The following NDUFAF6 variants were observed in gnomAD, a reference collection of about 807,000 sequenced individuals.
The protein encoded by NDUFAF6 is NADH dehydrogenase (ubiquinone) complex I, assembly factor 6.
A neutral mutation model predicts 40.8 loss-of-function variants in NDUFAF6; 45 were observed. The observed-to-expected ratio is 1.10, with a 90% CI of 0.87 to 1.42. The LOEUF is 1.42. Ranked by LOEUF, NDUFAF6 falls within the 40% of genes most tolerant of loss-of-function variation. The pLI is 0.00. For missense variants in NDUFAF6, 435 were observed against 418.5 expected, an observed-to-expected ratio of 1.04 and a Z score of -0.34; for synonymous variants, 185 against 155.9, an observed-to-expected ratio of 1.19 and a Z score of -1.39.
intron 7 of NDUFAF6, among the ~76,000 whole-genome samples, chr8:95,049,692 G>A (rs920456914): frequency 5.3e-5 from 8 of 151,986 alleles, no homozygotes; most frequent in Non-Finnish European, 1.5e-5. Flanking sequence ...TCCAGTTAGT[G>A]CTCAAATGTC....
chr8:95,079,594 A>G (rs1486624447), downstream of NDUFAF6, among the ~76,000 whole-genome samples: 1 of 152,232 alleles, frequency 6.6e-6, no homozygotes, highest in African/African-American at 2.4e-5. Context: ...TCAGTGAGAA[A>G]ACTGGATGAG....
At chr8:94,992,996 A>G (rs574937239) in intron 2 of NDUFAF6, among the ~76,000 whole-genome samples, 28 of 152,306 alleles carry the variant, frequency 1.8e-4, no homozygotes, top group African/African-American at 6.7e-4. Flanking sequence ...GGCTGTGACA[A>G]AATACCACAA....
At chr8:95,061,782 C>G (rs1194990073), downstream of NDUFAF6, among the ~76,000 whole-genome samples, 1 of 152,122 alleles carries the variant, frequency 6.6e-6, no homozygotes, top group Non-Finnish European at 1.5e-5. Flanking sequence ...TAATATGTAA[C>G]TCATTCTGTA....
chr8:94,907,592 T>C (rs1307492704), intron 1 of NDUFAF6, among the ~76,000 whole-genome samples: 1 of 152,230 alleles, frequency 6.6e-6, no homozygotes, highest in African/African-American at 2.4e-5. Context: ...TGGTAAAAGC[T>C]GCTACTTGTC....
intron 1 of NDUFAF6, among the ~76,000 whole-genome samples, chr8:94,966,080 T>C (rs1028474706): frequency 9.2e-5 from 14 of 152,102 alleles, no homozygotes; most frequent in Non-Finnish European, 2.1e-4. Context: ...TTGGGACATA[T>C]AGGAGTCACT....
At chr8:94,941,006 T>A in intron 1 of NDUFAF6, 1 of 1,275,902 alleles carries the variant, frequency 7.8e-7, no homozygotes, top group African/African-American at 1.5e-5. Flanking sequence ...AACCTTGTCT[T>A]TAGTTGGCCC....
chr8:94,980,695 C>G (rs562653776), intron 1 of NDUFAF6, among the ~76,000 whole-genome samples: 4 of 65,234 alleles, frequency 6.1e-5, no homozygotes, highest in Non-Finnish European at 8.6e-5. Context: ...AGGTGATCAG[C>G]ATGCCTTGGC....
intron 1 of NDUFAF6, among the ~76,000 whole-genome samples, chr8:94,961,742 G>A (rs958995958): frequency 6.6e-6 from 1 of 152,116 alleles, no homozygotes; most frequent in Non-Finnish European, 1.5e-5. Context: ...CATTATTACT[G>A]CCATTTTATA....
At chr8:95,025,800 C>G (rs1442701095) in intron 1 of NDUFAF6, among the ~76,000 whole-genome samples, 1 of 152,200 alleles carries the variant, frequency 6.6e-6, no homozygotes, top group Non-Finnish European at 1.5e-5. Flanking sequence ...AAAGTCAGAG[C>G]CCTGAAGTGT....
intron 1 of NDUFAF6, among the ~76,000 whole-genome samples, chr8:94,906,175 G>C (rs570179633): frequency 6.6e-6 from 1 of 152,238 alleles, no homozygotes; most frequent in South Asian, 2.1e-4. Flanking sequence ...CTGCTATAGA[G>C]TCCTTAGCAG....
intron 7 of NDUFAF6, among the ~76,000 whole-genome samples, chr8:95,049,133 T>G (rs1429276738): frequency 6.6e-6 from 1 of 152,228 alleles, no homozygotes; most frequent in African/African-American, 2.4e-5. Context: ...TCCTGCCCAC[T>G]CTAATAAACA....
At chr8:95,028,105 G>A (rs933010901) in intron 1 of NDUFAF6, among the ~76,000 whole-genome samples, 5 of 152,336 alleles carry the variant, frequency 3.3e-5, no homozygotes, top group Non-Finnish European at 2.9e-5. Context: ...AGTGGCACAG[G>A]TCCATGGTAC....
Position 95,019,276 on chromosome 8 carries a change from C to T in NDUFAF6, c.-83-12719C>T, listed in dbSNP as rs186653128. On this transcript the variant is annotated intron_variant, in intron 2 of 9. Coordinates refer to the NDUFAF6 transcript ENST00000396111. ...CTGCCTGCCTTGGCCTCCCAAAGTG[C>T]TGGGATTACAGGCGTGAGCCACTGC... 1.9e-3 allele frequency among the ~76,000 whole-genome samples: 296 copies of T among 152,348 alleles called. 4 individuals are homozygous for T. Among genetic ancestry groups the T allele is most frequent in the Non-Finnish European group, 3.4e-3 (230 of 68,030 alleles).
intron 2 of NDUFAF6, 83 bp downstream of exon 2, chr8:95,032,177 G>T (rs1828933245): frequency 8.4e-7 from 1 of 1,185,098 alleles, no homozygotes; most frequent in African/African-American, 1.5e-5. Flanking sequence ...AAATATAGTT[G>T]TAATTTATAT....
intron 1 of NDUFAF6, among the ~76,000 whole-genome samples, chr8:94,904,974 C>T (rs556911662): frequency 7.9e-5 from 12 of 152,190 alleles, no homozygotes; most frequent in African/African-American, 2.4e-4. Context: ...CCAAGGCGGG[C>T]GGATTACCTG....
At chr8:94,994,545 A>T (rs115835025) in intron 2 of NDUFAF6, among the ~76,000 whole-genome samples, 11,108 of 151,936 alleles carry the variant, frequency 0.073, 587 homozygotes, top group African/African-American at 0.15. Flanking sequence ...AAAAAAAAAA[A>T]AAAGAAGATG....
intron 1 of NDUFAF6, chr8:94,930,736 A>AC (rs1563720372): frequency 6.2e-7 from 1 of 1,612,898 alleles, no homozygotes; most frequent in Admixed American, 1.7e-5. Context: ...ACTCTGAAAC[A>AC]GAAAAAAGTG....
upstream of NDUFAF6, among the ~76,000 whole-genome samples, chr8:94,953,457 C>A (rs13255935): frequency 0.47 from 70,817 of 151,722 alleles, 17,468 homozygotes; most frequent in East Asian, 0.72. Context: ...CACCCTAGCT[C>A]CAAGGAGCCA....
chr8:95,104,641 A>G (rs748066174), downstream of NDUFAF6, among the ~76,000 whole-genome samples: 1 of 152,184 alleles, frequency 6.6e-6, no homozygotes, highest in Non-Finnish European at 1.5e-5. Flanking sequence ...TGCCCATTCT[A>G]AAAGAGTCAT....
Sources: allele counts gnomAD v4.1 joint callset (sites outside exome capture counted in the v4.1 genomes callset), GRCh38; gene constraint gnomAD v4.1.1; transcripts MANE v1.5; gene names NCBI Gene and HGNC (gene_info 2026-07-23, HGNC 2026-07-21).